B3GALT1: variants seen among roughly 807,000 people sequenced by gnomAD.
The protein encoded by B3GALT1 is beta-1,3-galactosyltransferase 1.
B3GALT1 carries 10 observed loss-of-function variants against 23.2 expected under a neutral mutation model. The observed-to-expected ratio is 0.43, with a 90% CI of 0.27 to 0.73. B3GALT1 has a LOEUF of 0.73. B3GALT1 is among the 30% of genes least tolerant of loss of function. The pLI is 0.21. For missense variants in B3GALT1, 299 were observed against 405.4 expected (o/e 0.74, Z 2.25); for synonymous variants, 156 against 141.5 (o/e 1.10, Z -0.73).
At chr2:167,354,781 A>G (rs929497207) in intron 1 of B3GALT1, among the ~76,000 whole-genome samples, 2 of 152,200 alleles carry the variant, frequency 1.3e-5, no homozygotes, top group African/African-American at 4.8e-5. Flanking sequence ...ATTCCATACA[A>G]GTTATTCCCT....
chr2:167,681,011 T>C (rs1686520020), intron 3 of B3GALT1, among the ~76,000 whole-genome samples: 1 of 152,186 alleles, frequency 6.6e-6, no homozygotes, highest in Non-Finnish European at 1.5e-5. Context: ...GCAAGGTTGC[T>C]ATAATTACTG....
At chr2:167,566,896 A>G (rs150515708) in intron 2 of B3GALT1, among the ~76,000 whole-genome samples, 87 of 152,276 alleles carry the variant, frequency 5.7e-4, no homozygotes, top group African/African-American at 1.9e-3. Context: ...TTCAACAGCA[A>G]TTTTTGAATC....
At chr2:167,647,660 A>G (rs974945407) in intron 3 of B3GALT1, among the ~76,000 whole-genome samples, 3 of 152,186 alleles carry the variant, frequency 2.0e-5, no homozygotes, top group African/African-American at 4.8e-5. Context: ...TAAGATATGC[A>G]TCTGGGCTCT....
chr2:167,621,888 G>A (rs1242767710), intron 2 of B3GALT1, among the ~76,000 whole-genome samples: 1 of 151,994 alleles, frequency 6.6e-6, no homozygotes, highest in African/African-American at 2.4e-5. Context: ...TTTCCACCAT[G>A]ACTGTATGTT....
At chr2:167,437,610 T>C (rs576338210) in intron 1 of B3GALT1, among the ~76,000 whole-genome samples, 133 of 152,366 alleles carry the variant, frequency 8.7e-4, no homozygotes, top group African/African-American at 3.1e-3. Context: ...ATACCTTATT[T>C]ATGAATTCAC....
At chr2:167,324,394 A>G (rs1476737383) in intron 1 of B3GALT1, among the ~76,000 whole-genome samples, 1 of 152,072 alleles carries the variant, frequency 6.6e-6, no homozygotes, top group Non-Finnish European at 1.5e-5. Flanking sequence ...AGTGCAAGGC[A>G]CATTACTTTA....
intron 3 of B3GALT1, among the ~76,000 whole-genome samples, chr2:167,670,675 CA>C (rs1271921786): frequency 1.3e-5 from 2 of 151,870 alleles, no homozygotes; most frequent in African/African-American, 4.8e-5. Flanking sequence ...AAACAGTATA[CA>C]AATAAAATGA....
chr2:167,794,670 A>G (rs1688512508), intron 3 of B3GALT1, among the ~76,000 whole-genome samples: 1 of 152,178 alleles, frequency 6.6e-6, no homozygotes, highest in Non-Finnish European at 1.5e-5. Flanking sequence ...GGTCAATTGC[A>G]TTGTCACTGT....
intron 2 of B3GALT1, among the ~76,000 whole-genome samples, chr2:167,641,320 A>G (rs1147148): frequency 0.23 from 34,767 of 151,984 alleles, 4,060 homozygotes; most frequent in Middle Eastern, 0.25. Flanking sequence ...ATTCACTCCA[A>G]GTGCTTCACT....
intron 1 of B3GALT1, among the ~76,000 whole-genome samples, chr2:167,366,956 A>G (rs760507863): frequency 5.3e-5 from 8 of 152,174 alleles, no homozygotes; most frequent in Non-Finnish European, 7.3e-5. Flanking sequence ...GAGGCATAGA[A>G]ATGGCTCAGT....
intron 1 of B3GALT1, among the ~76,000 whole-genome samples, chr2:167,450,404 T>A (rs188858888): frequency 6.6e-6 from 1 of 152,298 alleles, no homozygotes; most frequent in Non-Finnish European, 1.5e-5. Context: ...TAGCCTTGAA[T>A]GATCTTTGGT....
chr2:167,761,284 C>T (rs565661288), intron 3 of B3GALT1, among the ~76,000 whole-genome samples: 2 of 152,252 alleles, frequency 1.3e-5, no homozygotes, highest in East Asian at 1.9e-4. Context: ...CATCATTTCC[C>T]TCAGAACATT....
chr2:167,865,973 C>T (rs1408559404), intron 4 of B3GALT1, among the ~76,000 whole-genome samples: 1 of 152,074 alleles, frequency 6.6e-6, no homozygotes, highest in Non-Finnish European at 1.5e-5. Flanking sequence ...ACCCACCCTC[C>T]CCCATCCTCC....
At chr2:167,850,400 G>A (rs1419490113) in intron 4 of B3GALT1, among the ~76,000 whole-genome samples, 1 of 152,166 alleles carries the variant, frequency 6.6e-6, no homozygotes, top group Non-Finnish European at 1.5e-5. Flanking sequence ...AACAGTAGAT[G>A]TTGGCATGGA....
At chr2:167,488,128 G>T (rs528604221) in intron 1 of B3GALT1, among the ~76,000 whole-genome samples, 6 of 152,232 alleles carry the variant, frequency 3.9e-5, no homozygotes, top group African/African-American at 1.2e-4. Flanking sequence ...GCATATATAG[G>T]GTTGGTTTAA....
intron 3 of B3GALT1, among the ~76,000 whole-genome samples, chr2:167,796,640 T>C (rs1013432652): frequency 6.6e-6 from 1 of 151,490 alleles, no homozygotes; most frequent in Non-Finnish European, 1.5e-5. Flanking sequence ...TCCCAGCTAT[T>C]CGGGAGGCTG....
At chr2:167,562,793 G>T (rs915766603) in intron 2 of B3GALT1, among the ~76,000 whole-genome samples, 6 of 152,084 alleles carry the variant, frequency 3.9e-5, no homozygotes, top group African/African-American at 1.4e-4. Flanking sequence ...AGAGGACCCT[G>T]CGGCCTTCCG....
At chr2:167,676,335 T>G (rs1686425157) in intron 3 of B3GALT1, among the ~76,000 whole-genome samples, 2 of 152,046 alleles carry the variant, frequency 1.3e-5, no homozygotes, top group Non-Finnish European at 2.9e-5. Context: ...AATGTAAGGT[T>G]TCAGAGAAGC....
intron 3 of B3GALT1, among the ~76,000 whole-genome samples, chr2:167,719,224 C>G (rs1388234537): frequency 6.6e-6 from 1 of 152,120 alleles, no homozygotes; most frequent in Admixed American, 6.6e-5. Flanking sequence ...TGAGTTTACT[C>G]ATTTTCTATG....
Sources: allele counts gnomAD v4.1 joint callset (sites outside exome capture counted in the v4.1 genomes callset), GRCh38; gene constraint gnomAD v4.1.1; transcripts MANE v1.5; gene names NCBI Gene and HGNC (gene_info 2026-07-23, HGNC 2026-07-21).